The following DRC11 variants were observed in gnomAD, a reference collection of about 807,000 sequenced individuals.
The protein encoded by DRC11 is IQ and AAA domain-containing protein 1.
the DRC11 span, chr2:236,392,099 T>C: frequency 6.2e-7 from 1 of 1,600,044 alleles, no homozygotes; most frequent in Non-Finnish European, 8.6e-7. This position sits in a 1 kb window ranked among gnomAD's most constrained non-coding sequence, Gnocchi z 5.1. Flanking sequence ...ATACTACTTT[T>C]AAGTCACTTT....
At chr2:236,476,799 T>C in the DRC11 span, among the ~76,000 whole-genome samples, 13 of 152,134 alleles carry the variant, frequency 8.5e-5, no homozygotes, top group African/African-American at 3.1e-4. The surrounding 1 kb of genome is among the most constrained non-coding windows in gnomAD (Gnocchi z 4.7). Flanking sequence ...GTTTGTTACA[T>C]AGGTAAATGT....
At chr2:236,358,276 G>C in the DRC11 span, among the ~76,000 whole-genome samples, 1 of 126,474 alleles carries the variant, frequency 7.9e-6, no homozygotes, top group Non-Finnish European at 1.6e-5. Flanking sequence ...ATAATATATA[G>C]ATATATATAC....
the DRC11 span, among the ~76,000 whole-genome samples, chr2:236,459,624 C>CGTACGTATATACGTATATACGTAT: frequency 9.7e-5 from 8 of 82,640 alleles, no homozygotes; most frequent in African/African-American, 2.3e-4. Context: ...TAAGTATATA[C>CGTACGTATATACGTATATACGTAT]ATACGTATAT....
the DRC11 span, among the ~76,000 whole-genome samples, chr2:236,340,979 T>A: frequency 6.6e-6 from 1 of 152,202 alleles, no homozygotes; most frequent in East Asian, 1.9e-4. Context: ...TGTGCACTCA[T>A]CCATCATGCC....
At chr2:236,341,462 T>C in the DRC11 span, among the ~76,000 whole-genome samples, 1 of 152,200 alleles carries the variant, frequency 6.6e-6, no homozygotes, top group South Asian at 2.1e-4. Flanking sequence ...ACTTGGAGTT[T>C]GGACTTTGCT....
the DRC11 span, among the ~76,000 whole-genome samples, chr2:236,457,077 C>T: frequency 2.6e-5 from 4 of 152,132 alleles, no homozygotes; most frequent in South Asian, 2.1e-4. This position sits in a 1 kb window ranked among gnomAD's most constrained non-coding sequence, Gnocchi z 4.7. Context: ...GACCCCTTTA[C>T]GATACTTTAA....
chr2:236,469,680 C>T, the DRC11 span, among the ~76,000 whole-genome samples: 46 of 152,304 alleles, frequency 3.0e-4, no homozygotes, highest in Admixed American at 5.2e-4. This position sits in a 1 kb window ranked among gnomAD's most constrained non-coding sequence, Gnocchi z 5.8. Context: ...TCTCCGGTTG[C>T]TTTTGAATTT....
the DRC11 span, among the ~76,000 whole-genome samples, chr2:236,488,398 T>C: frequency 6.6e-6 from 1 of 152,162 alleles, no homozygotes; most frequent in African/African-American, 2.4e-5. Context: ...TGATCCCAAA[T>C]TTAAGGGCCC....
the DRC11 span, among the ~76,000 whole-genome samples, chr2:236,459,665 GTATATACGTATATATGTATATACA>G: frequency 1.2e-4 from 17 of 139,024 alleles, no homozygotes; most frequent in East Asian, 1.4e-3. Flanking sequence ...ATATACATAC[GTATATACGTATATATGTATATACA>G]TATATACATA....
the DRC11 span, chr2:236,454,808 C>T: frequency 3.3e-5 from 5 of 152,152 alleles, no homozygotes; most frequent in Admixed American, 2.0e-4. The surrounding 1 kb of genome is among the most constrained non-coding windows in gnomAD (Gnocchi z 5.3). Flanking sequence ...ACACAATGCT[C>T]GTGTTTCAAA....
At chr2:236,481,772 A>T in the DRC11 span, among the ~76,000 whole-genome samples, 2 of 151,886 alleles carry the variant, frequency 1.3e-5, no homozygotes, top group Non-Finnish European at 2.9e-5. Context: ...TTGTATGTGC[A>T]TGGATGTGTG....
chr2:236,458,387 AGG>A, the DRC11 span, among the ~76,000 whole-genome samples: 2 of 152,236 alleles, frequency 1.3e-5, no homozygotes, highest in South Asian at 4.1e-4. Context: ...GAGTGGGGGC[AGG>A]AAGTAAAATC....
At chr2:236,378,895 A>G in the DRC11 span, among the ~76,000 whole-genome samples, 1 of 152,144 alleles carries the variant, frequency 6.6e-6, no homozygotes, top group Non-Finnish European at 1.5e-5. Context: ...CAGCCACAGC[A>G]TCTCGACCTG....
At chr2:236,494,469 G>C in the DRC11 span, among the ~76,000 whole-genome samples, 1 of 151,970 alleles carries the variant, frequency 6.6e-6, no homozygotes, top group Non-Finnish European at 1.5e-5. The surrounding 1 kb of genome is among the most constrained non-coding windows in gnomAD (Gnocchi z 4.2). Context: ...AAACCAGTGG[G>C]GGTTCAGATG....
At chr2:236,334,113 A>G in the DRC11 span, among the ~76,000 whole-genome samples, 1 of 152,016 alleles carries the variant, frequency 6.6e-6, no homozygotes, top group Admixed American at 6.6e-5. This position sits in a 1 kb window ranked among gnomAD's most constrained non-coding sequence, Gnocchi z 7.8. Context: ...CTGTGGTGGG[A>G]CCTGCCCACC....
chr2:236,388,993 C>T, the DRC11 span, among the ~76,000 whole-genome samples: 1 of 152,086 alleles, frequency 6.6e-6, no homozygotes, highest in African/African-American at 2.4e-5. Context: ...GGGTCAGGGA[C>T]CCACTTGAGG....
At chr2:236,366,778 C>CCTCCCTCTCCCT in the DRC11 span, among the ~76,000 whole-genome samples, 22 of 134,054 alleles carry the variant, frequency 1.6e-4, no homozygotes, top group South Asian at 2.4e-4. Context: ...TCCCTCCCTC[C>CCTCCCTCTCCCT]CTCCCTCTCC....
At chr2:236,352,918 G>C in the DRC11 span, among the ~76,000 whole-genome samples, 1 of 152,222 alleles carries the variant, frequency 6.6e-6, no homozygotes, top group Middle Eastern at 3.4e-3. The surrounding 1 kb of genome is among the most constrained non-coding windows in gnomAD (Gnocchi z 7.0). Flanking sequence ...AGGTGGAGGG[G>C]CCTGGACATT....
At chr2:236,338,369 C>A in the DRC11 span, 21 of 1,610,618 alleles carry the variant, frequency 1.3e-5, no homozygotes, top group African/African-American at 2.2e-4. Context: ...TTTTTTCAGG[C>A]GTTTAGGTTC....
Sources: gnomAD v4.1 joint callset for allele counts (sites outside exome capture counted in the v4.1 genomes callset) on GRCh38, gnomAD v4.1.1 for gene constraint, Gnocchi (gnomAD v3.1) non-coding constraint, MANE v1.5 for transcripts, NCBI Gene and HGNC (gene_info 2026-07-23, HGNC 2026-07-21) for gene names.